Variants in DLG2 observed in about 807,000 individuals in gnomAD.
DLG2 encodes discs large MAGUK scaffold protein 2, also known as disks large homolog 2.
Under a neutral mutation model 132.5 loss-of-function variants are expected in DLG2, and 45 were observed. The ratio of observed to expected loss-of-function variants is 0.34; its 90% CI spans 0.27 to 0.44. The LOEUF is 0.44. DLG2 is among the 20% of genes least tolerant of loss of function. DLG2 has a pLI of 1.00. For synonymous variants in DLG2, 424 were observed against 419.6 expected, an observed-to-expected ratio of 1.01 and a Z score of -0.13; for missense variants, 1,045 against 1,196.9, an observed-to-expected ratio of 0.87 and a Z score of 1.87.
rs144068226 is a variant in DLG2, at chr11:84,262,807, A to G, written c.520-11516T>C. 6.6e-3 allele frequency among the ~76,000 whole-genome samples: 1,006 copies of G among 152,286 alleles called. 3 individuals carry two copies. The highest frequency in any genetic ancestry group is 0.011 in the South Asian group (51 of 4,822). ...GTTTTCCGTTTCTGAGTAGCTTCACATAGAATAATAGTCTACTGTCTCATC... is the reference window on the plus strand; with the variant it reads ...GTTTTCCGTTTCTGAGTAGCTTCACGTAGAATAATAGTCTACTGTCTCATC... On this transcript the variant is annotated intron_variant, in intron 7 of 27. Coordinates refer to ENST00000376104, the MANE Select transcript of DLG2 (RefSeq NM_001142699.3).
intron 7 of DLG2, among the ~76,000 whole-genome samples, chr11:84,254,397 G>A (rs948662495): frequency 1.3e-5 from 2 of 152,038 alleles, no homozygotes; most frequent in Admixed American, 6.6e-5. Context: ...CTAAAAATTG[G>A]CAAGTATTGT....
intron 7 of DLG2, among the ~76,000 whole-genome samples, chr11:84,435,930 G>C (rs1167163815): frequency 1.3e-5 from 2 of 152,060 alleles, no homozygotes; most frequent in Non-Finnish European, 2.9e-5. Flanking sequence ...TATGGTCTCT[G>C]ACAGTTCTCT....
chr11:84,583,473 G>C (rs143826682), intron 6 of DLG2, among the ~76,000 whole-genome samples: 1,913 of 152,154 alleles, frequency 0.013, 40 homozygotes, highest in African/African-American at 0.044. Context: ...TTGTTTTAAG[G>C]GTTAAGCCTG....
intron 7 of DLG2, among the ~76,000 whole-genome samples, chr11:84,496,157 G>C (rs1045437005): frequency 1.3e-5 from 2 of 152,116 alleles, no homozygotes; most frequent in African/African-American, 2.4e-5. Flanking sequence ...GTGGATGAAG[G>C]CATCAAAGTT....
chr11:83,473,291 G>A (rs548053116), intron 22 of DLG2, among the ~76,000 whole-genome samples: 1 of 152,204 alleles, frequency 6.6e-6, no homozygotes, highest in East Asian at 1.9e-4. Flanking sequence ...TAATTCGTCA[G>A]GAAAATGCTG....
chr11:83,788,850 T>A (rs561971999), intron 17 of DLG2, among the ~76,000 whole-genome samples: 2 of 152,352 alleles, frequency 1.3e-5, no homozygotes, highest in Non-Finnish European at 2.9e-5. Context: ...GATACTTTTT[T>A]CTTTTAGGAT....
intron 4 of DLG2, among the ~76,000 whole-genome samples, chr11:85,238,096 T>C (rs1477892675): frequency 6.6e-6 from 1 of 151,968 alleles, no homozygotes; most frequent in African/African-American, 2.4e-5. Context: ...TAGGTAAGAA[T>C]CCTGTTTCCT....
chr11:84,847,485 C>T (rs1428318054), intron 6 of DLG2, among the ~76,000 whole-genome samples: 1 of 152,064 alleles, frequency 6.6e-6, no homozygotes, highest in Non-Finnish European at 1.5e-5. Context: ...ATACCAATAG[C>T]TATGAGCTAA....
intron 7 of DLG2, among the ~76,000 whole-genome samples, chr11:84,524,978 G>T (rs921019388): frequency 1.3e-5 from 2 of 151,652 alleles, no homozygotes; most frequent in African/African-American, 4.8e-5. Flanking sequence ...CCTTTTAGTA[G>T]AAGTTCATAA....
At chr11:84,515,248 T>C (rs1051569513) in intron 7 of DLG2, among the ~76,000 whole-genome samples, 8 of 145,940 alleles carry the variant, frequency 5.5e-5, no homozygotes, top group African/African-American at 1.8e-4. Context: ...TCCAACCAAA[T>C]TACGTAGATT....
chr11:83,922,641 A>G (rs564748007), intron 15 of DLG2, among the ~76,000 whole-genome samples: 2 of 152,234 alleles, frequency 1.3e-5, no homozygotes, highest in Admixed American at 1.3e-4. Flanking sequence ...ATTTCCTTTC[A>G]GAATCTACAG....
chr11:84,922,984 A>G (rs2092828713), intron 6 of DLG2: 1 of 1,507,216 alleles, frequency 6.6e-7, no homozygotes, highest in Non-Finnish European at 9.2e-7. Context: ...TCAGCCAGCA[A>G]TCCGAAAAGT....
intron 7 of DLG2, among the ~76,000 whole-genome samples, chr11:84,524,151 T>C (rs576198355): frequency 6.6e-6 from 1 of 152,298 alleles, no homozygotes; most frequent in African/African-American, 2.4e-5. Flanking sequence ...TAAGAAAGTT[T>C]ACGAATCTGT....
At chr11:83,966,693 T>A (rs1185553515) in intron 12 of DLG2, among the ~76,000 whole-genome samples, 1 of 152,106 alleles carries the variant, frequency 6.6e-6, no homozygotes, top group African/African-American at 2.4e-5. Context: ...AATAAAGTGG[T>A]CACTATAGTG....
chr11:85,019,927 T>C (rs1267488727), intron 6 of DLG2, among the ~76,000 whole-genome samples: 1 of 152,228 alleles, frequency 6.6e-6, no homozygotes, highest in East Asian at 1.9e-4. Flanking sequence ...GCAGTAAACA[T>C]ACGTGTGCAT....
At position 83,569,895 on chromosome 11, in the gene DLG2, C is replaced by T. The variant is rs114344564; in HGVS notation, c.1941-28037G>A. Among the ~76,000 whole-genome samples the T allele has an allele frequency of 6.4e-3, 977 of 152,340 alleles. 10 individuals carry two copies. The highest frequency in any genetic ancestry group is 0.022 in the African/African-American group (910 of 41,582). On this transcript the variant is annotated intron_variant, in intron 19 of 27. Transcript: ENST00000376104. Reference sequence around the variant, plus strand: ...TCTTCAAGCTGCAGCAGAACTGGGACATCCGTTTAAACAGGACAGCTCCAT... The same window carrying T: ...TCTTCAAGCTGCAGCAGAACTGGGATATCCGTTTAAACAGGACAGCTCCAT...
chr11:84,169,319 A>G (rs2095756752), intron 8 of DLG2, among the ~76,000 whole-genome samples: 1 of 151,768 alleles, frequency 6.6e-6, no homozygotes, highest in Admixed American at 6.6e-5. Context: ...CACAAAGCAG[A>G]TCTTCAATAA....
Position 83,713,949 on chromosome 11 carries a change from T to C in DLG2, c.1825+72741A>G, listed in dbSNP as rs57871259. ...AGCAGAGAATTAGGTGGATGATTCA[T>C]CTCTAGAGTATCAAAAGTGTGAAGT... On this transcript the variant is annotated intron_variant, in intron 18 of 27. Transcript: ENST00000376104. Among the ~76,000 whole-genome samples the C allele has an allele frequency of 5.0e-3, 765 of 152,270 alleles. 7 individuals are homozygous for C. Among genetic ancestry groups the C allele is most frequent in the African/African-American group, 0.018 (745 of 41,560 alleles).
intron 8 of DLG2, among the ~76,000 whole-genome samples, chr11:84,200,477 C>G (rs1252605466): frequency 6.6e-6 from 1 of 152,064 alleles, no homozygotes; most frequent in Non-Finnish European, 1.5e-5. Flanking sequence ...ATATCCAAGA[C>G]TTTTGATAAT....
Sources: gnomAD v4.1 joint callset for allele counts (sites outside exome capture counted in the v4.1 genomes callset) on GRCh38, gnomAD v4.1.1 for gene constraint, MANE v1.5 for transcripts, NCBI Gene and HGNC (gene_info 2026-07-23, HGNC 2026-07-21) for gene names.